Variants in SMG5 observed in about 807,000 individuals in gnomAD.
SMG5 encodes the protein nonsense-mediated mRNA decay factor SMG5.
Under a neutral mutation model 122.9 loss-of-function variants are expected in SMG5, and 53 were observed. The ratio of observed to expected loss-of-function variants is 0.43; its 90% CI spans 0.35 to 0.54. The LOEUF is 0.54. Ranked by LOEUF, SMG5 falls within the 20% of genes least tolerant of loss-of-function variation. SMG5 has a pLI of 0.01. For missense variants in SMG5, 1,153 were observed against 1,285.6 expected (o/e 0.90, Z 1.58); for synonymous variants, 477 against 490.2 (o/e 0.97, Z 0.35).
intron 13 of SMG5, 47 bp from the exon 14 acceptor site, chr1:156,261,455 G>A: frequency 2.6e-6 from 4 of 1,525,840 alleles, no homozygotes; most frequent in Non-Finnish European, 3.6e-6. Flanking sequence ...AGACAGTGGT[G>A]GAGAACAGCA....
chr1:156,258,692 A>G (rs1283409551), intron 16 of SMG5, among the ~76,000 whole-genome samples: 1 of 151,948 alleles, frequency 6.6e-6, no homozygotes, highest in Non-Finnish European at 1.5e-5. Flanking sequence ...GCTACTCAGG[A>G]GGCTGAGGCA....
chr1:156,285,863 TG>T (rs1426164404), upstream of SMG5: 1 of 1,613,744 alleles, frequency 6.2e-7, no homozygotes, highest in African/African-American at 1.3e-5. Context: ...TCTCTTCCCT[TG>T]CCTACTATAC....
intron 7 of SMG5, among the ~76,000 whole-genome samples, chr1:156,271,077 A>C (rs753812557): frequency 6.6e-6 from 1 of 152,196 alleles, no homozygotes; most frequent in Non-Finnish European, 1.5e-5. Context: ...ATACTTAAGA[A>C]TGAATGAATA....
At chr1:156,257,119 G>A (rs1661614548) in intron 16 of SMG5, among the ~76,000 whole-genome samples, 1 of 151,898 alleles carries the variant, frequency 6.6e-6, no homozygotes, top group Non-Finnish European at 1.5e-5. Context: ...TAGAGACGAG[G>A]TTTCACCATG....
At chr1:156,259,375 G>C (rs941970022) in intron 15 of SMG5, among the ~76,000 whole-genome samples, 1 of 152,146 alleles carries the variant, frequency 6.6e-6, no homozygotes, top group Non-Finnish European at 1.5e-5. Context: ...AGTAGGTACA[G>C]CAAGAAAACT....
At chr1:156,285,465 C>T, upstream of SMG5, 1 of 1,614,068 alleles carries the variant, frequency 6.2e-7, no homozygotes, top group Non-Finnish European at 8.5e-7. Context: ...CCCTGGGGGA[C>T]TGGCCCTCAG....
At chr1:156,276,536 GTGA>G (rs1662693964) in intron 4 of SMG5, among the ~76,000 whole-genome samples, 1 of 152,234 alleles carries the variant, frequency 6.6e-6, no homozygotes, top group African/African-American at 2.4e-5. Flanking sequence ...GTCTGTCTTG[GTGA>G]TGAAGGGGAC....
intron 15 of SMG5, among the ~76,000 whole-genome samples, chr1:156,259,499 T>C (rs1489124855): frequency 2.0e-5 from 3 of 152,216 alleles, no homozygotes; most frequent in Non-Finnish European, 4.4e-5. Flanking sequence ...GCTTCTCATA[T>C]GCTCTAGGGG....
the SMG5 span, among the ~76,000 whole-genome samples, chr1:156,288,457 C>A: frequency 1.3e-5 from 2 of 151,992 alleles, no homozygotes; most frequent in Non-Finnish European, 2.9e-5. Context: ...GCCTCAGCCC[C>A]CCGAGTAGCT....
intron 5 of SMG5, 130 bp downstream of exon 5, chr1:156,274,467 G>A (rs1662587196): frequency 2.6e-6 from 2 of 771,392 alleles, no homozygotes; most frequent in South Asian, 2.9e-5. Flanking sequence ...CAGATGGGAG[G>A]GAAAAAGTTA....
At chr1:156,268,670 CTACAAACT>C (rs1662266867) in intron 7 of SMG5, among the ~76,000 whole-genome samples, 1 of 152,166 alleles carries the variant, frequency 6.6e-6, no homozygotes, top group Non-Finnish European at 1.5e-5. Flanking sequence ...TCCTACCCTG[CTACAAACT>C]TAGTTATTAC....
At chr1:156,270,159 T>C (rs927777273) in intron 7 of SMG5, among the ~76,000 whole-genome samples, 1 of 152,212 alleles carries the variant, frequency 6.6e-6, no homozygotes, top group Non-Finnish European at 1.5e-5. Flanking sequence ...CCAATGTCTG[T>C]GGTGAATTAA....
At chr1:156,260,371 C>T in intron 15 of SMG5, 80 bp downstream of exon 15, 1 of 1,505,686 alleles carries the variant, frequency 6.6e-7, no homozygotes, top group Non-Finnish European at 9.0e-7. Flanking sequence ...ATCCTGCCCC[C>T]TCCCTCCCCA....
chr1:156,268,798 C>T (rs1332999909), intron 7 of SMG5, among the ~76,000 whole-genome samples: 1 of 152,180 alleles, frequency 6.6e-6, no homozygotes, highest in Non-Finnish European at 1.5e-5. Context: ...TGCACTATTT[C>T]AGTTAATCCT....
At chr1:156,253,116 A>C (rs76081965) in intron 17 of SMG5, 38 bp from the exon 18 acceptor site, 2 of 1,537,372 alleles carry the variant, frequency 1.3e-6, no homozygotes. Context: ...GCTGTGGGGG[A>C]CCCCTGCAGC....
the SMG5 span, among the ~76,000 whole-genome samples, chr1:156,289,887 A>G: frequency 2.6e-5 from 4 of 152,198 alleles, no homozygotes; most frequent in Admixed American, 2.6e-4. Context: ...CTGGGCTTCA[A>G]GCCCTCCTAG....
intron 1 of SMG5, 84 bp downstream of exon 1, chr1:156,282,523 G>T: frequency 6.8e-7 from 1 of 1,464,452 alleles, no homozygotes; most frequent in Non-Finnish European, 9.2e-7. Context: ...CCCGACACCC[G>T]GGCCCCGCCC....
At chr1:156,257,751 C>T (rs1661645599) in intron 16 of SMG5, among the ~76,000 whole-genome samples, 2 of 152,096 alleles carry the variant, frequency 1.3e-5, no homozygotes, top group South Asian at 4.1e-4. Context: ...AGAATGCCCA[C>T]AAGAAATGGC....
chr1:156,282,232 AT>A (rs1387523084), intron 1 of SMG5, among the ~76,000 whole-genome samples: 1 of 151,996 alleles, frequency 6.6e-6, no homozygotes, highest in Non-Finnish European at 1.5e-5. Context: ...TTCCTTGTAA[AT>A]CCCCCAGGAT....
Sources: allele counts gnomAD v4.1 joint callset (sites outside exome capture counted in the v4.1 genomes callset), GRCh38; gene constraint gnomAD v4.1.1; transcripts MANE v1.5; gene names NCBI Gene and HGNC (gene_info 2026-07-23, HGNC 2026-07-21).